Variants in PCDH9 observed in about 807,000 individuals in gnomAD.
PCDH9 encodes protocadherin-9.
Under a neutral mutation model 70.6 loss-of-function variants are expected in PCDH9, and 24 were observed. The observed-to-expected ratio is 0.34, with a 90% CI of 0.25 to 0.48. The LOEUF is 0.48. Ranked by LOEUF, PCDH9 falls within the 20% of genes least tolerant of loss-of-function variation. PCDH9 has a pLI of 0.99. For missense variants in PCDH9, 1,281 were observed against 1,503.6 expected, an observed-to-expected ratio of 0.85 and a Z score of 2.45; for synonymous variants, 562 against 558.5, an observed-to-expected ratio of 1.01 and a Z score of -0.09.
chr13:66,921,072 T>C (rs2082629980), intron 2 of PCDH9, among the ~76,000 whole-genome samples: 1 of 151,074 alleles, frequency 6.6e-6, no homozygotes, highest in African/African-American at 2.4e-5. Flanking sequence ...TGCATAAAGA[T>C]CCTAAAATAT....
intron 3 of PCDH9, among the ~76,000 whole-genome samples, chr13:66,877,191 C>T (rs1196686844): frequency 6.6e-6 from 1 of 151,724 alleles, no homozygotes; most frequent in African/African-American, 2.4e-5. Flanking sequence ...TAGACATGGT[C>T]TTCATGGACA....
chr13:67,205,678 T>C (rs2089322086), intron 2 of PCDH9: 1 of 152,200 alleles, frequency 6.6e-6, no homozygotes, highest in South Asian at 2.1e-4. Context: ...GGGTAGCATA[T>C]CATTCCGAGA....
chr13:66,887,397 C>T (rs570032310), intron 3 of PCDH9, among the ~76,000 whole-genome samples: 6 of 151,956 alleles, frequency 3.9e-5, no homozygotes, highest in South Asian at 4.2e-4. Context: ...AAAAATGCTA[C>T]GTTCTATTTT....
At chr13:66,794,976 G>A (rs200546396) in intron 3 of PCDH9, among the ~76,000 whole-genome samples, 1 of 21,938 alleles carries the variant, frequency 4.6e-5, no homozygotes, top group Non-Finnish European at 2.8e-4. Flanking sequence ...GACACACACA[G>A]GCACACACAC....
intron 3 of PCDH9, among the ~76,000 whole-genome samples, chr13:66,721,103 G>A (rs955711535): frequency 2.1e-4 from 32 of 152,156 alleles, no homozygotes; most frequent in African/African-American, 6.8e-4. Context: ...AATTATTTGC[G>A]CACAGGAGTT....
Position 66,456,851 on chromosome 13 carries a change from A to G in PCDH9, c.3341-151823T>C, listed in dbSNP as rs191543515. On this transcript the variant is annotated intron_variant, in intron 4 of 4. Transcript: ENST00000377865. ...TAGACCAAAAAAAATAAAGAATAATATAACAAACACATGTGTACTGCCATG... is the reference window on the plus strand; with the variant it reads ...TAGACCAAAAAAAATAAAGAATAATGTAACAAACACATGTGTACTGCCATG... Among the ~76,000 whole-genome samples, 910 of 152,230 alleles carry G rather than the reference A, an allele frequency of 6.0e-3. 8 individuals are homozygous for G. The highest frequency in any genetic ancestry group is 0.019 in the African/African-American group (805 of 41,532).
chr13:67,082,703 A>T (rs890341038), intron 2 of PCDH9, among the ~76,000 whole-genome samples: 16 of 152,290 alleles, frequency 1.1e-4, no homozygotes, highest in African/African-American at 3.8e-4. Flanking sequence ...CTACATATCC[A>T]ATTTATTTCT....
At chr13:66,715,375 C>T (rs1327554750) in intron 3 of PCDH9, among the ~76,000 whole-genome samples, 4 of 151,926 alleles carry the variant, frequency 2.6e-5, no homozygotes, top group Non-Finnish European at 4.4e-5. Context: ...TTCGGTAATG[C>T]TAATTATGAG....
At chr13:66,582,605 C>G (rs1400254662) in intron 4 of PCDH9, among the ~76,000 whole-genome samples, 1 of 152,022 alleles carries the variant, frequency 6.6e-6, no homozygotes, top group Non-Finnish European at 1.5e-5. Context: ...TGCACTCCAG[C>G]TGGGTGACAG....
At chr13:66,370,511 T>G (rs576969889) in intron 4 of PCDH9, among the ~76,000 whole-genome samples, 1 of 149,656 alleles carries the variant, frequency 6.7e-6, no homozygotes, top group Non-Finnish European at 1.5e-5. Context: ...ATTTATGTAT[T>G]CATTTTTTTT....
At chr13:66,715,364 T>C (rs1035760093) in intron 3 of PCDH9, among the ~76,000 whole-genome samples, 1 of 152,178 alleles carries the variant, frequency 6.6e-6, no homozygotes, top group Non-Finnish European at 1.5e-5. Context: ...TTTGTTTGTG[T>C]TTCGGTAATG....
chr13:66,682,679 G>T (rs1430836620), intron 3 of PCDH9, among the ~76,000 whole-genome samples: 1 of 152,006 alleles, frequency 6.6e-6, no homozygotes. Flanking sequence ...GTAATTTTTA[G>T]AATTTCACAT....
chr13:66,614,428 G>A lies in PCDH9; in HGVS notation c.3340+16782C>T, dbSNP rs146627963. On this transcript the variant is annotated intron_variant, in intron 4 of 4. Transcript: ENST00000377865. ...TTCCTAAGGTACTAATCTGCTCTTTGGTAAAATTTATAAAGGATTATAAAA... is the reference window on the plus strand; with the variant it reads ...TTCCTAAGGTACTAATCTGCTCTTTAGTAAAATTTATAAAGGATTATAAAA... Among the ~76,000 whole-genome samples, 13 of 152,174 alleles carry A rather than the reference G, an allele frequency of 8.5e-5. No homozygotes were observed. The East Asian group carries it at 2.1e-3, about 25-fold the overall frequency.
intron 2 of PCDH9, among the ~76,000 whole-genome samples, chr13:66,977,179 C>G (rs1315173213): frequency 6.6e-6 from 1 of 151,976 alleles, no homozygotes; most frequent in Non-Finnish European, 1.5e-5. Flanking sequence ...GAATGGTACA[C>G]CTTTATATGT....
intron 2 of PCDH9, among the ~76,000 whole-genome samples, chr13:67,014,893 T>A (rs183649628): frequency 8.3e-4 from 126 of 152,248 alleles, no homozygotes; most frequent in Non-Finnish European, 1.2e-3. Context: ...CTTTTCTTAG[T>A]TACCAAATTT....
At chr13:66,557,625 A>G (rs1961792486) in intron 4 of PCDH9, among the ~76,000 whole-genome samples, 2 of 152,168 alleles carry the variant, frequency 1.3e-5, no homozygotes, top group Non-Finnish European at 2.9e-5. Context: ...GAACTTTCCT[A>G]TAAATTTAGC....
intron 2 of PCDH9, among the ~76,000 whole-genome samples, chr13:66,917,195 G>C (rs1266958088): frequency 6.6e-6 from 1 of 151,398 alleles, no homozygotes; most frequent in African/African-American, 2.4e-5. Context: ...AACAACTTTT[G>C]CTCAATTTAT....
chr13:66,590,431 TA>T (rs1413761767), intron 4 of PCDH9, among the ~76,000 whole-genome samples: 2 of 151,948 alleles, frequency 1.3e-5, no homozygotes, highest in Admixed American at 1.3e-4. Flanking sequence ...CAAAGTTATC[TA>T]AGTTCATGTT....
At chr13:66,896,321 C>T (rs1158451802) in intron 3 of PCDH9, among the ~76,000 whole-genome samples, 1 of 152,028 alleles carries the variant, frequency 6.6e-6, no homozygotes, top group African/African-American at 2.4e-5. Flanking sequence ...TGCTCAAGTA[C>T]ATTTGTTTAG....
Sources: gnomAD v4.1 joint callset for allele counts (sites outside exome capture counted in the v4.1 genomes callset) on GRCh38, gnomAD v4.1.1 for gene constraint, MANE v1.5 for transcripts, NCBI Gene and HGNC (gene_info 2026-07-23, HGNC 2026-07-21) for gene names.